The following MAN1A2 variants were observed in gnomAD, a reference collection of about 807,000 sequenced individuals.
MAN1A2 encodes the protein mannosyl-oligosaccharide 1,2-alpha-mannosidase IB.
Under a neutral mutation model 75.7 loss-of-function variants are expected in MAN1A2, and 26 were observed. The observed-to-expected ratio is 0.34, with a 90% CI of 0.25 to 0.48. The LOEUF is 0.48. MAN1A2 is among the 20% of genes least tolerant of loss of function. MAN1A2 has a pLI of 0.99. For synonymous variants in MAN1A2, 247 were observed against 264.6 expected (o/e 0.93, Z 0.65); for missense variants, 562 against 775.5 (o/e 0.72, Z 3.27).
In MAN1A2 at chr1:117,436,840, A is replaced by T. The variant is rs533834737; in HGVS notation, c.856-5391A>T. 1.1e-3 allele frequency among the ~76,000 whole-genome samples: 173 copies of T among 152,336 alleles called. 1 individual carries two copies. Among genetic ancestry groups the T allele is most frequent in the African/African-American group, 3.9e-3 (161 of 41,574 alleles). On this transcript the variant is annotated intron_variant, in intron 5 of 12. Coordinates refer to ENST00000356554, the MANE Select transcript of MAN1A2 (RefSeq NM_006699.5). ...GCTGCTACTTTTCTATAAATAATAA[A>T]GCCTTTTATCTCTGACCCAGTAGTC...
intron 6 of MAN1A2, among the ~76,000 whole-genome samples, chr1:117,458,523 A>ATATATTTTTTTTTTTTTTT (rs1553236643): frequency 2.8e-5 from 3 of 105,606 alleles, no homozygotes; most frequent in Admixed American, 9.7e-5. Flanking sequence ...ATATATATAT[A>ATATATTTTTTTTTTTTTTT]TTTTTTTTTT....
At chr1:117,451,646 T>C (rs1238504356) in intron 6 of MAN1A2, among the ~76,000 whole-genome samples, 3 of 152,222 alleles carry the variant, frequency 2.0e-5, no homozygotes, top group Admixed American at 6.5e-5. Context: ...TCACGAGATC[T>C]GATGGTTTTA....
At chr1:117,397,633 GT>G (rs1216867824) in intron 1 of MAN1A2, among the ~76,000 whole-genome samples, 1 of 134,262 alleles carries the variant, frequency 7.4e-6, no homozygotes, top group African/African-American at 2.8e-5. Flanking sequence ...CAGAGCCGCT[GT>G]TTATAACCCC....
chr1:117,400,534 G>A (rs1330528581), intron 1 of MAN1A2, among the ~76,000 whole-genome samples: 1 of 148,158 alleles, frequency 6.7e-6, no homozygotes, highest in East Asian at 2.0e-4. Flanking sequence ...CATAACTCCT[G>A]GCTACCACTA....
chr1:117,514,321 C>G (rs973727357), intron 12 of MAN1A2, among the ~76,000 whole-genome samples: 4 of 150,754 alleles, frequency 2.7e-5, no homozygotes, highest in African/African-American at 9.8e-5. Context: ...CAAGATCATG[C>G]CACTGCACTC....
chr1:117,448,453 CTTT>C (rs1649307678), intron 6 of MAN1A2, among the ~76,000 whole-genome samples: 1 of 152,166 alleles, frequency 6.6e-6, no homozygotes, highest in East Asian at 1.9e-4. Flanking sequence ...CAGTAAAGGA[CTTT>C]ACATAGCTAT....
chr1:117,392,962 A>G (rs1314014859), intron 1 of MAN1A2, among the ~76,000 whole-genome samples: 1 of 152,228 alleles, frequency 6.6e-6, no homozygotes, highest in Non-Finnish European at 1.5e-5. Context: ...TGGCCAACCA[A>G]TTCATATTGA....
chr1:117,467,381 C>T (rs1054130889), intron 8 of MAN1A2, among the ~76,000 whole-genome samples: 5 of 151,972 alleles, frequency 3.3e-5, no homozygotes, highest in Admixed American at 6.6e-5. Context: ...GTGTGAGTAC[C>T]AAGAATAGGA....
chr1:117,445,872 G>GTATATA (rs1300576603), intron 6 of MAN1A2, among the ~76,000 whole-genome samples: 13 of 114,128 alleles, frequency 1.1e-4, no homozygotes, highest in African/African-American at 3.8e-4. Flanking sequence ...GTGTGTGTGT[G>GTATATA]TCTGTGTGTG....
chr1:117,451,177 T>TG, intron 6 of MAN1A2, among the ~76,000 whole-genome samples: 1 of 152,354 alleles, frequency 6.6e-6, no homozygotes, highest in South Asian at 2.1e-4. Flanking sequence ...GTGACCTGGA[T>TG]GTGAGACATG....
At chr1:117,430,042 C>G (rs1648560715) in intron 5 of MAN1A2, among the ~76,000 whole-genome samples, 1 of 44,276 alleles carries the variant, frequency 2.3e-5, no homozygotes, top group Non-Finnish European at 4.8e-5. Flanking sequence ...CTGACCCCCC[C>G]ACCTCCCTCC....
At chr1:117,512,082 C>T (rs1319087671) in intron 12 of MAN1A2, among the ~76,000 whole-genome samples, 1 of 152,024 alleles carries the variant, frequency 6.6e-6, no homozygotes, top group Non-Finnish European at 1.5e-5. Context: ...AATAGACCTA[C>T]TTTATTTCCT....
intron 8 of MAN1A2, among the ~76,000 whole-genome samples, chr1:117,491,691 CA>C (rs1405641880): frequency 6.6e-6 from 1 of 152,014 alleles, no homozygotes; most frequent in Non-Finnish European, 1.5e-5. Flanking sequence ...CAGATCTCAG[CA>C]AAGTAAATGG....
intron 8 of MAN1A2, among the ~76,000 whole-genome samples, chr1:117,479,667 G>A (rs1488626064): frequency 6.6e-6 from 1 of 151,826 alleles, no homozygotes; most frequent in African/African-American, 2.4e-5. Context: ...TTTCATGGTG[G>A]TTTTGATTTG....
At chr1:117,394,894 T>C (rs1252692696) in intron 1 of MAN1A2, among the ~76,000 whole-genome samples, 1 of 152,124 alleles carries the variant, frequency 6.6e-6, no homozygotes, top group Non-Finnish European at 1.5e-5. Context: ...TAAGGACGGG[T>C]GAAACTTCAT....
Position 117,367,814 on chromosome 1 carries a change from G to C in MAN1A2, c.-370G>C. The stretch of plus-strand genomic sequence containing the variant: ...TGTCGCCAGTCTCCCTTTCGGGGCG[G>C]AAGACTACGTTTGAGCATCTCACTG... On this transcript the variant is annotated 5_prime_UTR_variant, in exon 1 of 13. Transcript: ENST00000356554. 1 of 188,824 alleles carries C rather than the reference G, an allele frequency of 5.3e-6. No individual in the cohort carries two copies. The highest frequency in any genetic ancestry group is 1.4e-4 in the South Asian group (1 of 6,966). 11.7% of individuals were successfully genotyped at this position (188,824 alleles called of 1,614,324 possible). A position where few individuals can be genotyped will look rare whatever the true frequency, so the allele number is the denominator to read the frequency against.
intron 12 of MAN1A2, among the ~76,000 whole-genome samples, chr1:117,503,187 ATTT>A (rs1212069626): frequency 6.6e-6 from 1 of 151,526 alleles, no homozygotes; most frequent in South Asian, 2.1e-4. Context: ...ACCTGTTAAA[ATTT>A]TTTGTTCTTT....
intron 5 of MAN1A2, among the ~76,000 whole-genome samples, chr1:117,432,943 C>A (rs1273880768): frequency 6.8e-6 from 1 of 147,958 alleles, no homozygotes; most frequent in Non-Finnish European, 1.5e-5. Flanking sequence ...CTTTTATATT[C>A]TTTTTATATA....
chr1:117,429,521 C>T (rs1648512939), intron 5 of MAN1A2, among the ~76,000 whole-genome samples: 1 of 83,676 alleles, frequency 1.2e-5, no homozygotes, highest in African/African-American at 4.5e-5. Context: ...GGCGGCTGGC[C>T]GGGCGGGGGG....
Sources: allele counts gnomAD v4.1 joint callset (sites outside exome capture counted in the v4.1 genomes callset), GRCh38; gene constraint gnomAD v4.1.1; transcripts MANE v1.5; gene names NCBI Gene and HGNC (gene_info 2026-07-23, HGNC 2026-07-21).